The following GPR158 variants were observed in gnomAD, a reference collection of about 807,000 sequenced individuals.
GPR158 encodes G protein-coupled receptor 158.
GPR158 carries 30 observed loss-of-function variants against 78.2 expected under a neutral mutation model. That is an observed-to-expected ratio of 0.38 (90% CI 0.29 to 0.52). GPR158 has a LOEUF of 0.52. Among genes scored for constraint, GPR158 ranks in the 20% least tolerant of loss-of-function variants. The pLI is 0.83. For missense variants in GPR158, 1,463 were observed against 1,523.5 expected (o/e 0.96, Z 0.66); for synonymous variants, 581 against 591.1 (o/e 0.98, Z 0.25).
At chr10:25,586,079 G>A (rs2130744705) in intron 7 of GPR158, among the ~76,000 whole-genome samples, 1 of 152,284 alleles carries the variant, frequency 6.6e-6, no homozygotes, top group East Asian at 1.9e-4. Flanking sequence ...GAGACGTCGT[G>A]TTACATATAT....
chr10:25,236,209 A>G (rs970387745), intron 2 of GPR158, among the ~76,000 whole-genome samples: 1 of 152,202 alleles, frequency 6.6e-6, no homozygotes, highest in Non-Finnish European at 1.5e-5. Flanking sequence ...GTTTGCTTTC[A>G]AAAATCTAAA....
chr10:25,423,175 A>G (rs1281443138), intron 4 of GPR158, among the ~76,000 whole-genome samples: 1 of 150,598 alleles, frequency 6.6e-6, no homozygotes, highest in Non-Finnish European at 1.5e-5. Context: ...GTGTGTATAT[A>G]TGTATATACA....
At chr10:25,378,530 T>C (rs901270314) in intron 2 of GPR158, among the ~76,000 whole-genome samples, 2 of 151,984 alleles carry the variant, frequency 1.3e-5, no homozygotes, top group African/African-American at 2.4e-5. Flanking sequence ...CTATGCTCTT[T>C]TTTCCTCTTT....
At chr10:25,293,770 G>T (rs1219493185) in intron 2 of GPR158, among the ~76,000 whole-genome samples, 1 of 147,290 alleles carries the variant, frequency 6.8e-6, no homozygotes, top group African/African-American at 2.5e-5. Flanking sequence ...TTCTGAGATG[G>T]AGTTTCACAC....
intron 4 of GPR158, among the ~76,000 whole-genome samples, chr10:25,458,284 A>G (rs1835317243): frequency 6.6e-6 from 1 of 152,224 alleles, no homozygotes; most frequent in South Asian, 2.1e-4. Context: ...TCAAGAATTT[A>G]AAATTGATTA....
At chr10:25,293,978 C>T (rs981255984) in intron 2 of GPR158, among the ~76,000 whole-genome samples, 1 of 152,110 alleles carries the variant, frequency 6.6e-6, no homozygotes, top group African/African-American at 2.4e-5. Flanking sequence ...AACTCCTGAC[C>T]TCGTGATTCA....
At chr10:25,337,973 C>G (rs1588807604) in intron 2 of GPR158, among the ~76,000 whole-genome samples, 1 of 151,700 alleles carries the variant, frequency 6.6e-6, no homozygotes, top group East Asian at 1.9e-4. Context: ...TTTTAAAATG[C>G]CTTTTTTCTT....
intron 4 of GPR158, among the ~76,000 whole-genome samples, chr10:25,425,825 A>G (rs368876296): frequency 6.6e-6 from 1 of 152,018 alleles, no homozygotes; most frequent in Non-Finnish European, 1.5e-5. Flanking sequence ...TCCTTTTTCT[A>G]TATTTTTATT....
chr10:25,453,323 C>G (rs1344972478), intron 4 of GPR158, among the ~76,000 whole-genome samples: 1 of 152,160 alleles, frequency 6.6e-6, no homozygotes, highest in African/African-American at 2.4e-5. Flanking sequence ...AATGGCTATA[C>G]TAATTTACAT....
chr10:25,505,873 C>A (rs1227658344), intron 5 of GPR158, among the ~76,000 whole-genome samples: 2 of 152,162 alleles, frequency 1.3e-5, no homozygotes, highest in African/African-American at 2.4e-5. Context: ...AGAAAGTTTT[C>A]TGACCCAAGC....
chr10:25,186,750 A>G (rs1448748997), intron 1 of GPR158, among the ~76,000 whole-genome samples: 4 of 152,136 alleles, frequency 2.6e-5, no homozygotes, highest in South Asian at 2.1e-4. Context: ...CAACCAAAAA[A>G]AGTCCAGGAC....
At chr10:25,540,557 G>T (rs931209868) in intron 5 of GPR158, among the ~76,000 whole-genome samples, 3 of 152,118 alleles carry the variant, frequency 2.0e-5, no homozygotes, top group South Asian at 2.1e-4. Context: ...GTCCAACAAT[G>T]ATAGACTGGA....
chr10:25,257,070 A>C (rs2130729554), intron 2 of GPR158, among the ~76,000 whole-genome samples: 1 of 152,288 alleles, frequency 6.6e-6, no homozygotes, highest in South Asian at 2.1e-4. Context: ...AAGGAAAACA[A>C]GTTTATTTGG....
At chr10:25,233,010 T>A (rs996333039) in intron 2 of GPR158, among the ~76,000 whole-genome samples, 1 of 152,100 alleles carries the variant, frequency 6.6e-6, no homozygotes, top group Non-Finnish European at 1.5e-5. Flanking sequence ...AAAAACAAAC[T>A]GCAAATGGAG....
At chr10:25,221,545 C>A (rs1019055025) in intron 2 of GPR158, among the ~76,000 whole-genome samples, 1 of 152,120 alleles carries the variant, frequency 6.6e-6, no homozygotes, top group African/African-American at 2.4e-5. Context: ...AGACACACTG[C>A]TATCTGCTAG....
chr10:25,425,626 A>C (rs1442703233), intron 4 of GPR158, among the ~76,000 whole-genome samples: 1 of 152,132 alleles, frequency 6.6e-6, no homozygotes. Context: ...GGAGTGGGAG[A>C]AAATCTTCAC....
At chr10:25,213,891 A>G (rs1853169187) in intron 1 of GPR158, among the ~76,000 whole-genome samples, 1 of 152,098 alleles carries the variant, frequency 6.6e-6, no homozygotes, top group South Asian at 2.1e-4. Context: ...TTATCCTAAT[A>G]CTGCTTTTTA....
rs941876578 is a variant in GPR158 at position 25,596,421 on chromosome 10, T to C, written c.1999-222T>C. Among the ~76,000 whole-genome samples the C allele has an allele frequency of 1.1e-4, 17 of 152,178 alleles. No individual in the cohort carries two copies. In the South Asian group the frequency reaches 1.7e-3, roughly 15 times the overall value. ...CTGCTGCGTGCTATGACCATGCCTGTGAATAGCTGCTGCTCTCCTGGCTGA... is the reference window on the plus strand; with the variant it reads ...CTGCTGCGTGCTATGACCATGCCTGCGAATAGCTGCTGCTCTCCTGGCTGA... On this transcript the variant is annotated intron_variant, in intron 9 of 10. Coordinates refer to ENST00000376351, the MANE Select transcript of GPR158 (RefSeq NM_020752.3).
chr10:25,498,201 C>T (rs1170878148), intron 5 of GPR158, among the ~76,000 whole-genome samples: 8 of 152,164 alleles, frequency 5.3e-5, no homozygotes, highest in Admixed American at 5.2e-4. Flanking sequence ...AAACACATGC[C>T]TTACTCAGTT....
Sources: gnomAD v4.1 joint callset for allele counts (sites outside exome capture counted in the v4.1 genomes callset) on GRCh38, gnomAD v4.1.1 for gene constraint, MANE v1.5 for transcripts, NCBI Gene and HGNC (gene_info 2026-07-23, HGNC 2026-07-21) for gene names.